USP25: variants seen among roughly 807,000 people sequenced by gnomAD.
USP25 encodes the protein ubiquitin carboxyl-terminal hydrolase 25.
Under a neutral mutation model 158.5 loss-of-function variants are expected in USP25, and 85 were observed. The ratio of observed to expected loss-of-function variants is 0.54; its 90% CI spans 0.45 to 0.64. The LOEUF is 0.64. Ranked by LOEUF, USP25 falls within the 30% of genes least tolerant of loss-of-function variation. The pLI is 0.00. For missense variants in USP25, 1,242 were observed against 1,327.3 expected, an observed-to-expected ratio of 0.94 and a Z score of 1.00; for synonymous variants, 464 against 460.4, an observed-to-expected ratio of 1.01 and a Z score of -0.10.
chr21:15,856,354 A>G (rs1239720978), intron 20 of USP25, among the ~76,000 whole-genome samples: 1 of 152,244 alleles, frequency 6.6e-6, no homozygotes, highest in African/African-American at 2.4e-5. Context: ...CTCACTCCAC[A>G]GTGAGCATCT....
intron 10 of USP25, among the ~76,000 whole-genome samples, chr21:15,822,178 A>G (rs2037269792): frequency 6.6e-6 from 1 of 151,924 alleles, no homozygotes; most frequent in East Asian, 1.9e-4. Flanking sequence ...TTAAAATTCA[A>G]ATTATGTACT....
rs1188298105 is a variant in USP25 at position 15,826,794 on chromosome 21, A to C, written c.1467-183A>C. On this transcript the variant is annotated intron_variant, in intron 13 of 25. Coordinates refer to ENST00000400183, the MANE Select transcript of USP25 (RefSeq NM_001283041.3). This position sits in a 1 kb window ranked among gnomAD's most constrained non-coding sequence, Gnocchi z 4.8. ...GTTTTAACTCTAAAGCTACAACTTC[A>C]TCTTATAATAATTTAGTTCTTATGT... 1.3e-5 allele frequency among the ~76,000 whole-genome samples: 2 copies of C among 152,208 alleles called. No individual in the cohort carries two copies. The highest frequency in any genetic ancestry group is 2.9e-5 in the Non-Finnish European group (2 of 68,038).
At chr21:15,785,887 T>A (rs75781081) in intron 4 of USP25, among the ~76,000 whole-genome samples, 5,483 of 137,622 alleles carry the variant, frequency 0.04, 313 homozygotes, top group African/African-American at 0.14. Context: ...ATAAACAGAA[T>A]CAACAAACCT....
At chr21:15,864,476 C>T (rs756510582) in intron 21 of USP25, 30 bp downstream of exon 21, 1 of 1,530,628 alleles carries the variant, frequency 6.5e-7, no homozygotes, top group East Asian at 2.3e-5. Context: ...TTCATATGCT[C>T]AAATCGTTCT....
At chr21:15,852,739 A>G (rs1052195710) in intron 20 of USP25, among the ~76,000 whole-genome samples, 1 of 152,148 alleles carries the variant, frequency 6.6e-6, no homozygotes, top group African/African-American at 2.4e-5. Flanking sequence ...GCTTAACCTA[A>G]TAATTACTAT....
At chr21:15,821,668 G>GAGC (rs961956672) in intron 10 of USP25, among the ~76,000 whole-genome samples, 18 of 151,960 alleles carry the variant, frequency 1.2e-4, no homozygotes, top group African/African-American at 4.3e-4. Flanking sequence ...TAAATGACTG[G>GAGC]AGCTAATTTT....
rs951405604 is a variant in USP25 at position 15,730,242 on chromosome 21, G to A, written c.-152G>A. The A allele has an allele frequency of 3.4e-4, 285 of 843,720 alleles. No homozygotes were observed. In the African/African-American group the frequency reaches 4.9e-3, roughly 14 times the overall value. 52.3% of individuals were successfully genotyped at this position (843,720 alleles called of 1,614,324 possible). A position where few individuals can be genotyped will look rare whatever the true frequency, so the allele number is the denominator to read the frequency against. ...CCCGCGGTGCCCGCGCACGCCGGCC[G>A]CCATCGCCTTCGCGCCTGGCTGGCG... On this transcript the variant is annotated 5_prime_UTR_variant, in exon 1 of 26. Transcript: ENST00000400183.
At chr21:15,808,759 AT>A (rs528420918) in intron 7 of USP25, 49 bp from the exon 8 acceptor site, 14,853 of 1,161,052 alleles carry the variant, frequency 0.013, no homozygotes, top group South Asian at 0.021. Context: ...AACATCTAGT[AT>A]TTTTTTTTTA....
intron 3 of USP25, among the ~76,000 whole-genome samples, chr21:15,767,603 T>G (rs536801491): frequency 1.3e-5 from 2 of 152,040 alleles, no homozygotes; most frequent in South Asian, 4.2e-4. Context: ...GGTATAAAGG[T>G]CAGAAAAATG....
At chr21:15,732,125 C>T (rs1419220841) in intron 1 of USP25, among the ~76,000 whole-genome samples, 1 of 152,170 alleles carries the variant, frequency 6.6e-6, no homozygotes, top group Non-Finnish European at 1.5e-5. Context: ...CGAAAGTGAT[C>T]TTGGCTGTCG....
intron 8 of USP25, among the ~76,000 whole-genome samples, chr21:15,809,858 ACCCCT>A (rs2036571428): frequency 6.6e-6 from 1 of 152,054 alleles, no homozygotes; most frequent in African/African-American, 2.4e-5. Context: ...GTGTAACATG[ACCCCT>A]TGAAGATATT....
chr21:15,776,751 G>T (rs1043904184), intron 3 of USP25, among the ~76,000 whole-genome samples: 1 of 152,040 alleles, frequency 6.6e-6, no homozygotes, highest in African/African-American at 2.4e-5. Flanking sequence ...GGGGCGGGAG[G>T]ATCACTGGAG....
At chr21:15,824,903 C>G (rs1005822322) in intron 11 of USP25, 63 bp from the exon 12 acceptor site, 1 of 1,357,614 alleles carries the variant, frequency 7.4e-7, no homozygotes, top group Non-Finnish European at 1.0e-6. Flanking sequence ...ACGCTGGCAT[C>G]TGGCCATATT....
chr21:15,809,763 T>C (rs1214701844), intron 8 of USP25, among the ~76,000 whole-genome samples: 1 of 152,164 alleles, frequency 6.6e-6, no homozygotes, highest in East Asian at 1.9e-4. Context: ...TGTCCATTGA[T>C]AGGTGAATGG....
chr21:15,798,812 G>C lies in USP25; in HGVS notation c.556-945G>C, dbSNP rs150557447. 2.1e-3 allele frequency among the ~76,000 whole-genome samples: 321 copies of C among 151,128 alleles called. 2 individuals are homozygous for C. The highest frequency in any genetic ancestry group is 7.6e-3 in the African/African-American group (314 of 41,374). Reference sequence around the variant, plus strand: ...ATCTGGCTCTATTTCTTTATATGTAGTTTTCTCAATACCCAACTGTTGATC... The same window carrying C: ...ATCTGGCTCTATTTCTTTATATGTACTTTTCTCAATACCCAACTGTTGATC... On this transcript the variant is annotated intron_variant, in intron 5 of 25. Transcript: ENST00000400183.
chr21:15,830,447 T>C lies in USP25; in HGVS notation c.1694-84T>C, dbSNP rs903276406. ...GGAAAATTTTCCTATTCCTCTAACATGTTTGTAGGAAAAACATTAGTCCTT... is the reference window on the plus strand; with the variant it reads ...GGAAAATTTTCCTATTCCTCTAACACGTTTGTAGGAAAAACATTAGTCCTT... On this transcript the variant is annotated intron_variant, in intron 14 of 25. Coordinates refer to ENST00000400183, the MANE Select transcript of USP25 (RefSeq NM_001283041.3). 25 of 1,197,880 alleles carry C rather than the reference T, an allele frequency of 2.1e-5. No homozygotes were observed. The African/African-American group carries it at 3.8e-4, about 18-fold the overall frequency. 74.2% of individuals were successfully genotyped at this position (1,197,880 alleles called of 1,614,324 possible). A position where few individuals can be genotyped will look rare whatever the true frequency, so the allele number is the denominator to read the frequency against.
At chr21:15,793,985 G>A (rs966868760) in intron 5 of USP25, among the ~76,000 whole-genome samples, 2 of 151,568 alleles carry the variant, frequency 1.3e-5, no homozygotes, top group African/African-American at 4.8e-5. Flanking sequence ...ATCTACCATA[G>A]TGTTGGAGGT....
At position 15,749,284 on chromosome 21, in the gene USP25, T is replaced by C. The variant is rs531408227; in HGVS notation, c.46-13607T>C. Among the ~76,000 whole-genome samples the C allele has an allele frequency of 2.0e-5, 3 of 152,370 alleles. No homozygotes were observed. The South Asian group carries it at 6.2e-4, about 32-fold the overall frequency. ...AACTGCTTTTGTAGACATTGTGAAATAGTATTCTTATACTGAAGTAATAAT... is the reference window on the plus strand; with the variant it reads ...AACTGCTTTTGTAGACATTGTGAAACAGTATTCTTATACTGAAGTAATAAT... On this transcript the variant is annotated intron_variant, in intron 1 of 25. Coordinates refer to ENST00000400183, the MANE Select transcript of USP25 (RefSeq NM_001283041.3).
chr21:15,774,029 G>T (rs1054726949), intron 3 of USP25, among the ~76,000 whole-genome samples: 2 of 152,132 alleles, frequency 1.3e-5, no homozygotes, highest in Non-Finnish European at 2.9e-5. Flanking sequence ...ATTTAGAAAA[G>T]GGAGGAGTAT....
Sources: allele counts gnomAD v4.1 joint callset (sites outside exome capture counted in the v4.1 genomes callset), GRCh38; gene constraint gnomAD v4.1.1; non-coding constraint Gnocchi (gnomAD v3.1); transcripts MANE v1.5; gene names NCBI Gene and HGNC (gene_info 2026-07-23, HGNC 2026-07-21).